Variants in RAX observed in about 807,000 individuals in gnomAD.
RAX encodes the protein retinal homeobox protein Rx.
A neutral mutation model predicts 17.4 loss-of-function variants in RAX; 11 were observed. The observed-to-expected ratio is 0.63, with a 90% CI of 0.40 to 1.05. RAX has a LOEUF of 1.05. RAX is among the 50% of genes least tolerant of loss of function. The pLI is 0.00. For synonymous variants in RAX, 276 were observed against 254.7 expected (o/e 1.08, Z -0.80); for missense variants, 527 against 501.1 (o/e 1.05, Z -0.49).
In RAX at chr18:59,272,581, T is replaced by C. The variant is rs771237825; in HGVS notation, c.323A>G (p.Glu108Gly). The C allele has an allele frequency of 6.2e-7, 1 of 1,613,380 alleles. No homozygotes were observed. The highest frequency in any genetic ancestry group is 1.1e-5 in the South Asian group (1 of 91,056). Reference protein sequence around the residue: ...PRPYCPKEPGEARPSPGLPVG... With the variant: ...PRPYCPKEPGGARPSPGLPVG... ...GGGCAGCCCTGGGCTCGGCCGTGCCTCCCCGGGCTCCTTGGGGCAGTAGGG... is the reference window on the plus strand; with the variant it reads ...GGGCAGCCCTGGGCTCGGCCGTGCCCCCCCGGGCTCCTTGGGGCAGTAGGG... The change falls in exon 2 of 3, where the codon GAG becomes GGG. Residue 108 changes from glutamate to glycine, a missense_variant. By Grantham distance (98) the Glu-to-Gly change is moderately conservative. Coordinates refer to ENST00000334889, the MANE Select transcript of RAX (RefSeq NM_013435.3).
chr18:59,267,873 C>A lies in RAX; in HGVS notation c.*1131G>T, dbSNP rs1314912951. 6.6e-6 allele frequency: 1 copy of A among 152,244 alleles called. No individual in the cohort carries two copies. The highest frequency in any genetic ancestry group is 1.5e-5 in the Non-Finnish European group (1 of 68,064). The allele number at this position is 152,244 out of a possible 1,614,324, so 9.4% of individuals were successfully genotyped here. Reference sequence around the variant, plus strand: ...GGGCACGCCCGCAAGAACTAGCTCTCGGGGCGGTGGCGTAGGGCGCTCCAG... The same window carrying A: ...GGGCACGCCCGCAAGAACTAGCTCTAGGGGCGGTGGCGTAGGGCGCTCCAG... On this transcript the variant is annotated 3_prime_UTR_variant, in exon 3 of 3. Coordinates refer to ENST00000334889, the MANE Select transcript of RAX (RefSeq NM_013435.3).
chr18:59,273,020 G>T lies in RAX; in HGVS notation c.187C>A (p.Arg63=). 1.3e-6 allele frequency: 2 copies of T among 1,533,938 alleles called. No individual in the cohort carries two copies. Among genetic ancestry groups the T allele is most frequent in the East Asian group, 2.4e-5 (1 of 40,820 alleles). Residue 63 remains arginine, a synonymous_variant, in exon 1 of 3, where the codon CGG becomes AGG. Coordinates refer to ENST00000334889, the MANE Select transcript of RAX (RefSeq NM_013435.3). ...GGCCGCGCGCCCAGCCTCCTATCCCGCTCCTTCGCGCCCCGGGCGCCCCGC... is the reference window on the plus strand; with the variant it reads ...GGCCGCGCGCCCAGCCTCCTATCCCTCTCCTTCGCGCCCCGGGCGCCCCGC... The part of the protein sequence containing the change: ...AERGARGAKE[R]DRRLGARPAC...
intron 2 of RAX, among the ~76,000 whole-genome samples, chr18:59,270,175 C>G (rs1207648062): frequency 6.6e-6 from 1 of 152,176 alleles, no homozygotes; most frequent in Non-Finnish European, 1.5e-5. Flanking sequence ...GTTATGATAA[C>G]TAGATAGGAG....
In RAX at chr18:59,272,407, C is replaced by T. The variant is rs754301606; in HGVS notation, c.497G>A (p.Arg166His). Residue 166 changes from arginine to histidine, a missense_variant, in exon 2 of 3, where the codon CGC becomes CAC. Transcript: ENST00000334889. ...EKSHYPDVYS[R>H]EELAGKVNLP... is the part of the protein sequence containing the mutation. ...GTTGACCTTGCCGGCCAGCTCCTCGCGGCTGTACACGTCCGGGTAGTGGGA... is the reference window on the plus strand; with the variant it reads ...GTTGACCTTGCCGGCCAGCTCCTCGTGGCTGTACACGTCCGGGTAGTGGGA... 1.2e-6 allele frequency: 2 copies of T among 1,614,262 alleles called. No homozygotes were observed. The highest frequency in any genetic ancestry group is 1.7e-6 in the Non-Finnish European group (2 of 1,180,052).
Position 59,268,829 on chromosome 18 carries a change from G to T in RAX, c.*175C>A. The stretch of plus-strand genomic sequence containing the variant: ...GGGCCTCTCCTCAGGCCTGAAAGTC[G>T]CCCTTCTCCCCGTGCATCGGGAGCA... On this transcript the variant is annotated 3_prime_UTR_variant, in exon 3 of 3. Transcript: ENST00000334889. The surrounding 1 kb of genome is among the most constrained non-coding windows in gnomAD (Gnocchi z 4.4). 1.8e-6 allele frequency: 2 copies of T among 1,097,652 alleles called. No individual in the cohort carries two copies. Among genetic ancestry groups the T allele is most frequent in the Non-Finnish European group, 2.6e-6 (2 of 773,632 alleles). The allele number at this position is 1,097,652 out of a possible 1,614,324, so 68.0% of individuals were successfully genotyped here.
chr18:59,272,881 C>T, intron 1 of RAX, 37 bp downstream of exon 1: 3 of 1,490,686 alleles, frequency 2.0e-6, no homozygotes, highest in Non-Finnish European at 2.6e-6. Context: ...AGCTCGGGCG[C>T]CCGAACGGCC....
chr18:59,273,084 A>T lies in RAX; in HGVS notation c.123T>A (p.Phe41Leu). 2.6e-6 allele frequency: 4 copies of T among 1,535,038 alleles called. No individual in the cohort carries two copies. The highest frequency in any genetic ancestry group is 3.5e-6 in the Non-Finnish European group (4 of 1,146,334). Residue 41 changes from phenylalanine to leucine, a missense_variant, in exon 1 of 3, where the codon TTT becomes TTA. Phe to Leu is a conservative substitution (Grantham distance 22, BLOSUM62 0). Transcript: ENST00000334889. The stretch of plus-strand genomic sequence containing the variant: ...TGCCGAGGATCCCGTCGTCCTTGGT[A>T]AACCCCAGGATGGCCTCGATGCTGT... ...RLHSIEAILG[F>L]TKDDGILGTF...
Position 59,269,357 on chromosome 18 carries a change from T to A in RAX, c.688A>T (p.Ser230Cys). 7.1e-7 allele frequency: 1 copy of A among 1,404,404 alleles called. No individual in the cohort carries two copies. Among genetic ancestry groups the A allele is most frequent in the Non-Finnish European group, 9.3e-7 (1 of 1,078,438 alleles). The allele number at this position is 1,404,404 out of a possible 1,614,324, so 87.0% of individuals were successfully genotyped here. A position where few individuals can be genotyped will look rare whatever the true frequency, so the allele number is the denominator to read the frequency against. Residue 230 changes from serine to cysteine, a missense_variant, in exon 3 of 3, where the codon AGC becomes TGC. Physicochemically the swap from Ser to Cys is moderately radical, Grantham distance 112. Coordinates refer to ENST00000334889, the MANE Select transcript of RAX (RefSeq NM_013435.3). ...GCGCCCCCAGCCGGCCCGCCACCGC[T>A]GCCCGGGCCCGCCCCGAGGGGCGAC... ...TLSPLGAGPG[S>C]GGGPAGGALP...
intron 2 of RAX, 85 bp downstream of exon 2, chr18:59,272,276 G>A: frequency 6.3e-7 from 1 of 1,576,508 alleles, no homozygotes. Flanking sequence ...TAAATGCATG[G>A]ACACCCGTGA....
Position 59,272,580 on chromosome 18 carries a change from C to G in RAX, c.324G>C (p.Glu108Asp). 1 of 1,613,604 alleles carries G rather than the reference C, an allele frequency of 6.2e-7. No homozygotes were observed. The highest frequency in any genetic ancestry group is 8.5e-7 in the Non-Finnish European group (1 of 1,179,918). The change falls in exon 2 of 3, where the codon GAG (glutamate) becomes GAC (aspartate). Residue 108 changes from glutamate to aspartate, a missense_variant. By Grantham distance (45) the Glu-to-Asp change is conservative (BLOSUM62 2). Transcript: ENST00000334889. ...PRPYCPKEPG[E>D]ARPSPGLPVG... ...CGGGCAGCCCTGGGCTCGGCCGTGC[C>G]TCCCCGGGCTCCTTGGGGCAGTAGG...
rs1013270682 is a variant in RAX, at chr18:59,268,735, C to A, written c.*269G>T. 2.4e-5 allele frequency: 14 copies of A among 575,862 alleles called. No homozygotes were observed. Among genetic ancestry groups the A allele is most frequent in the Non-Finnish European group, 4.2e-5 (14 of 331,370 alleles). The allele number at this position is 575,862 out of a possible 1,614,324, so 35.7% of individuals were successfully genotyped here. A position where few individuals can be genotyped will look rare whatever the true frequency, so the allele number is the denominator to read the frequency against. ...GCGGTGATGGGAGCGGCGTGGCCAG[C>A]GGGGCCCGGCAGCCTGTTGCCCTCC... is the stretch of plus-strand genomic sequence containing the variant. On this transcript the variant is annotated 3_prime_UTR_variant, in exon 3 of 3. Coordinates refer to ENST00000334889, the MANE Select transcript of RAX (RefSeq NM_013435.3). This position sits in a 1 kb window ranked among gnomAD's most constrained non-coding sequence, Gnocchi z 4.4.
chr18:59,273,139 C>G lies in RAX; in HGVS notation c.68G>C (p.Arg23Pro). ...GSFSLAGHLLRSPGGSTSRLH... is the reference protein window; with the variant it reads ...GSFSLAGHLLPSPGGSTSRLH... ...TCGCGAGGTGCTCCCGCCCGGGCTG[C>G]GGAGCAGGTGGCCGGCAAGCGAGAA... Residue 23 changes from arginine to proline, a missense_variant, in exon 1 of 3, where the codon CGC becomes CCC. Physicochemically the swap from Arg to Pro is moderately radical, Grantham distance 103 (BLOSUM62 -2). Transcript: ENST00000334889. The G allele has an allele frequency of 6.5e-7, 1 of 1,534,764 alleles. No individual in the cohort carries two copies.
At chr18:59,272,699 C>G in intron 1 of RAX, 85 bp from the exon 2 acceptor site, 2 of 1,482,550 alleles carry the variant, frequency 1.3e-6, no homozygotes, top group Non-Finnish European at 1.8e-6. Context: ...CACTGGCCAG[C>G]CCGCCTGCGG....
At chr18:59,272,855 G>C (rs759070254) in intron 1 of RAX, 63 bp downstream of exon 1, 4 of 1,488,756 alleles carry the variant, frequency 2.7e-6, no homozygotes, top group Non-Finnish European at 3.5e-6. Flanking sequence ...GGGCGCTCTC[G>C]TCTGGCCAAC....
In RAX at chr18:59,272,887, C is replaced by A. The variant is rs8085684; in HGVS notation, c.289+31G>T. 2.7e-6 allele frequency: 4 copies of A among 1,489,004 alleles called. No homozygotes were observed. In the East Asian group the frequency reaches 7.1e-5, roughly 26 times the overall value. The allele number at this position is 1,489,004 out of a possible 1,614,324, so 92.2% of individuals were successfully genotyped here. On this transcript the variant is annotated intron_variant, in intron 1 of 2. Transcript: ENST00000334889. Reference sequence around the variant, plus strand: ...CAACTCCTAAGCTCGGGCGCCCGAACGGCCTCGCACAGCCAGGGGTGCGCA... The same window carrying A: ...CAACTCCTAAGCTCGGGCGCCCGAAAGGCCTCGCACAGCCAGGGGTGCGCA...
At chr18:59,272,734 C>G in intron 1 of RAX, 120 bp from the exon 2 acceptor site, 1 of 1,415,326 alleles carries the variant, frequency 7.1e-7, no homozygotes, top group Admixed American at 2.7e-5. Context: ...CGGGGAGGTC[C>G]GTGGTGAGGG....
chr18:59,269,164 T>G lies in RAX; in HGVS notation c.881A>C (p.Gln294Pro), dbSNP rs1325479694. 6.4e-7 allele frequency: 1 copy of G among 1,570,684 alleles called. No individual in the cohort carries two copies. The highest frequency in any genetic ancestry group is 1.1e-5 in the South Asian group (1 of 87,520). ...LNSPPLGPGLQPLAPPPPSYP... is the reference protein window; with the variant it reads ...LNSPPLGPGLPPLAPPPPSYP... ...GGAGGGCGGCGGCGGCGCGAGAGGT[T>G]GCAGGCCGGGGCCCAACGGCGGGGA... The change falls in exon 3 of 3, where the codon CAA becomes CCA. Residue 294 changes from glutamine (Q) to proline (P), a missense_variant. By Grantham distance (76) the Gln-to-Pro change is moderately conservative. Coordinates refer to ENST00000334889, the MANE Select transcript of RAX (RefSeq NM_013435.3).
intron 2 of RAX, among the ~76,000 whole-genome samples, chr18:59,270,431 A>C (rs1175091376): frequency 6.6e-6 from 1 of 152,204 alleles, no homozygotes; most frequent in Non-Finnish European, 1.5e-5. Context: ...GCCAAGAGTA[A>C]CGTCGGGTTC....
In RAX at chr18:59,269,181, C is replaced by T; in HGVS notation, c.864G>A (p.Pro288=). Residue 288 remains proline, a synonymous_variant, in exon 3 of 3, where the codon CCG becomes CCA. Transcript: ENST00000334889. ...CGAGAGGTTGCAGGCCGGGGCCCAA[C>T]GGCGGGGAGTTCAGGAAGGGCGGAG... ...PPPPPFLNSP[P]LGPGLQPLAP... 1.3e-6 allele frequency: 2 copies of T among 1,554,144 alleles called. No individual in the cohort carries two copies. Among genetic ancestry groups the T allele is most frequent in the African/African-American group, 1.4e-5 (1 of 73,566 alleles).
Sources: gnomAD v4.1 joint callset for allele counts (sites outside exome capture counted in the v4.1 genomes callset) on GRCh38, gnomAD v4.1.1 for gene constraint, Gnocchi (gnomAD v3.1) non-coding constraint, MANE v1.5 for transcripts, NCBI Gene and HGNC (gene_info 2026-07-23, HGNC 2026-07-21) for gene names.